Variants in ABR observed in about 807,000 individuals in gnomAD.
ABR encodes active breakpoint cluster region-related protein.
In ABR, 35 loss-of-function variants were observed where a neutral mutation model predicts 107.2. The observed-to-expected ratio is 0.33, with a 90% CI of 0.25 to 0.43. ABR has a LOEUF of 0.43. Ranked by LOEUF, ABR falls within the 20% of genes least tolerant of loss-of-function variation. The pLI, the probability that ABR is intolerant of heterozygous loss-of-function variation, is 1.00. For missense variants in ABR, 815 were observed against 1,115.2 expected (o/e 0.73, Z 3.83); for synonymous variants, 498 against 462.0 (o/e 1.08, Z -1.00).
intron 1 of ABR, among the ~76,000 whole-genome samples, chr17:1,204,592 T>G (rs1216565354): frequency 6.6e-6 from 1 of 152,240 alleles, no homozygotes; most frequent in Non-Finnish European, 1.5e-5. Flanking sequence ...TTAGACGTGT[T>G]CAGATACACA....
At chr17:1,022,973 T>G (rs1388113206) in intron 16 of ABR, among the ~76,000 whole-genome samples, 1 of 152,196 alleles carries the variant, frequency 6.6e-6, no homozygotes, top group Non-Finnish European at 1.5e-5. Flanking sequence ...CAGCGTCCAT[T>G]CTAGCACCTC....
intron 16 of ABR, among the ~76,000 whole-genome samples, chr17:1,020,800 C>T (rs539854898): frequency 1.3e-5 from 2 of 152,312 alleles, no homozygotes; most frequent in South Asian, 4.1e-4. Context: ...CCCTGAGGGT[C>T]TCAGCCCTTC....
In ABR at chr17:1,130,608, C is replaced by G. The variant is rs1338089436; in HGVS notation, c.62-5241G>C. 1.9e-4 allele frequency among the ~76,000 whole-genome samples: 29 copies of G among 152,166 alleles called. 2 individuals are homozygous for G. The highest frequency in any genetic ancestry group is 1.9e-3 in the Admixed American group (29 of 15,280). On this transcript the variant is annotated intron_variant, in intron 1 of 22. Transcript: ENST00000302538. ...TGCGGTGGGTTCAGTAGTGGCCCCC[C>G]CACAAGGTATGTCCAGATTCTAATT...
chr17:1,046,662 T>A (rs1255317663), intron 16 of ABR, among the ~76,000 whole-genome samples: 1 of 152,212 alleles, frequency 6.6e-6, no homozygotes, highest in Non-Finnish European at 1.5e-5. Context: ...CTCCAGGCCA[T>A]TAGCCATGCC....
At position 1,205,548 on chromosome 17, in the gene ABR, C is replaced by G. The variant is rs543812704; in HGVS notation, c.838+23245G>C. ...TGCATTGGCTGGGTGCAGTGGCTCACGTCTGTAATCCCAGAACTTTGGGAG... is the reference window on the plus strand; with the variant it reads ...TGCATTGGCTGGGTGCAGTGGCTCAGGTCTGTAATCCCAGAACTTTGGGAG... On this transcript the variant is annotated intron_variant, in intron 1 of 22. Transcript: ENST00000574139. Among the ~76,000 whole-genome samples, 3 of 152,290 alleles carry G rather than the reference C, an allele frequency of 2.0e-5. No individual in the cohort carries two copies. In the East Asian group the frequency reaches 5.8e-4, roughly 29 times the overall value.
At chr17:1,227,065 A>G (rs2043235350) in intron 1 of ABR, among the ~76,000 whole-genome samples, 1 of 152,132 alleles carries the variant, frequency 6.6e-6, no homozygotes, top group Non-Finnish European at 1.5e-5. Context: ...TGAGTGCCAG[A>G]CACGTGCCCC....
intron 1 of ABR, among the ~76,000 whole-genome samples, chr17:1,208,757 G>A (rs947166526): frequency 3.3e-5 from 5 of 152,006 alleles, no homozygotes; most frequent in African/African-American, 1.2e-4. Flanking sequence ...GTGTGGTGGC[G>A]GGCGCCTGTA....
chr17:1,212,512 T>C (rs922725039), intron 1 of ABR, among the ~76,000 whole-genome samples: 30 of 152,104 alleles, frequency 2.0e-4, no homozygotes, highest in African/African-American at 6.0e-4. Flanking sequence ...CCCAGCACTC[T>C]GAGAGGCTGA....
At position 1,078,909 on chromosome 17, in the gene ABR, C is replaced by T. The variant is rs1378511434; in HGVS notation, c.700+421G>A. The T allele has an allele frequency of 1.3e-6, 2 of 1,533,646 alleles. No individual in the cohort carries two copies. Among genetic ancestry groups the T allele is most frequent in the Non-Finnish European group, 1.7e-6 (2 of 1,145,822 alleles). ...AGCGTGCAGCCATCGCTCCAGGCTC[C>T]CCGGCGCCCACCAGCAGCCCGGCCA... On this transcript the variant is annotated intron_variant, in intron 6 of 22. Coordinates refer to ENST00000302538, the MANE Select transcript of ABR (RefSeq NM_021962.5). The surrounding 1 kb of genome is among the most constrained non-coding windows in gnomAD (Gnocchi z 7.5).
intron 2 of ABR, 127 bp downstream of exon 2, chr17:1,125,056 G>C (rs920015996): frequency 3.1e-6 from 3 of 964,752 alleles, no homozygotes; most frequent in Non-Finnish European, 4.5e-6. Context: ...GAGGCACCAA[G>C]AACGGCCAGG....
chr17:1,080,350 C>T (rs1009581586), intron 5 of ABR, among the ~76,000 whole-genome samples: 4 of 152,168 alleles, frequency 2.6e-5, no homozygotes, highest in Non-Finnish European at 5.9e-5. Flanking sequence ...ACTGGAAAGA[C>T]CCCCGGGATG....
At position 1,037,412 on chromosome 17, in the gene ABR, C is replaced by T. The variant is rs756078823; in HGVS notation, c.1791+12638G>A. ...CCAGGGTGCTCGGTGGTTCTAGGTA[C>T]GGAGGAGAGGCTGAAACAGCCCAAG... On this transcript the variant is annotated intron_variant, in intron 16 of 22. Coordinates refer to ENST00000302538, the MANE Select transcript of ABR (RefSeq NM_021962.5). This position sits in a 1 kb window ranked among gnomAD's most constrained non-coding sequence, Gnocchi z 4.6. Among the ~76,000 whole-genome samples, 12 of 152,310 alleles carry T rather than the reference C, an allele frequency of 7.9e-5. No individual in the cohort carries two copies. Among genetic ancestry groups the T allele is most frequent in the East Asian group, 3.9e-4 (2 of 5,184 alleles).
intron 1 of ABR, among the ~76,000 whole-genome samples, chr17:1,199,042 G>A (rs2042623387): frequency 7.6e-6 from 1 of 131,072 alleles, no homozygotes. Context: ...CAACAGAGCG[G>A]GACTCTGACT....
intron 16 of ABR, among the ~76,000 whole-genome samples, chr17:1,015,890 G>A (rs547183934): frequency 1.4e-4 from 21 of 152,274 alleles, no homozygotes; most frequent in African/African-American, 3.9e-4. Flanking sequence ...AGAGTGAAAC[G>A]AGGCTCAGCA....
At chr17:1,171,571 C>T (rs1054161118) in intron 1 of ABR, among the ~76,000 whole-genome samples, 23 of 152,168 alleles carry the variant, frequency 1.5e-4, no homozygotes, top group East Asian at 1.9e-4. Context: ...TGCCCAATCA[C>T]GTGTGCCATG....
chr17:1,152,235 A>T (rs2040825713), intron 1 of ABR, among the ~76,000 whole-genome samples: 2 of 151,326 alleles, frequency 1.3e-5, no homozygotes, highest in Non-Finnish European at 2.9e-5. Flanking sequence ...GTGAGCCGAG[A>T]TCGCGCCACT....
intron 2 of ABR, among the ~76,000 whole-genome samples, chr17:1,113,720 A>T: frequency 6.6e-6 from 1 of 152,140 alleles, no homozygotes; most frequent in East Asian, 1.9e-4. Context: ...TGGCACTTCT[A>T]TTTTAACTTC....
Position 1,051,270 on chromosome 17 carries a change from C to T in ABR, c.1562-636G>A, listed in dbSNP as rs11653269. On this transcript the variant is annotated intron_variant, in intron 14 of 22. Coordinates refer to ENST00000302538, the MANE Select transcript of ABR (RefSeq NM_021962.5). This position sits in a 1 kb window ranked among gnomAD's most constrained non-coding sequence, Gnocchi z 4.3. ...TCGTGCGTCCCTAGTCTCTCTCCCC[C>T]CACGACGTAAACACCATGTGGAGAG... 0.17 allele frequency among the ~76,000 whole-genome samples: 26,252 copies of T among 152,160 alleles called. 2,439 individuals carry two copies. The highest frequency in any genetic ancestry group is 0.19 in the African/African-American group (7,994 of 41,500).
upstream of ABR, among the ~76,000 whole-genome samples, chr17:1,184,342 C>A (rs1050833454): frequency 6.6e-6 from 1 of 152,048 alleles, no homozygotes; most frequent in African/African-American, 2.4e-5. Flanking sequence ...GTAGTCCCAG[C>A]TACTCGGGAG....
Sources: gnomAD v4.1 joint callset for allele counts (sites outside exome capture counted in the v4.1 genomes callset) on GRCh38, gnomAD v4.1.1 for gene constraint, Gnocchi (gnomAD v3.1) non-coding constraint, MANE v1.5 for transcripts, NCBI Gene and HGNC (gene_info 2026-07-23, HGNC 2026-07-21) for gene names.